The following HMGB1 variants were observed in gnomAD, a reference collection of about 807,000 sequenced individuals.
HMGB1 encodes the protein high mobility group protein B1.
For missense variants in HMGB1, 79 were observed against 253.5 expected (o/e 0.31, Z 4.67); for synonymous variants, 81 against 84.0 (o/e 0.96, Z 0.19).
chr13:30,613,852 G>A (rs776120401), intron 1 of HMGB1, among the ~76,000 whole-genome samples: 5 of 151,916 alleles, frequency 3.3e-5, no homozygotes, highest in East Asian at 3.8e-4. Context: ...AATGATGTAC[G>A]TAGAAAGGTC....
At chr13:30,473,628 G>A (rs1886999857) in intron 1 of HMGB1, among the ~76,000 whole-genome samples, 1 of 152,212 alleles carries the variant, frequency 6.6e-6, no homozygotes, top group Admixed American at 6.5e-5. Flanking sequence ...TGTGGAGAAA[G>A]AAACTGGAAC....
chr13:30,546,753 G>A (rs1010672090), intron 1 of HMGB1, among the ~76,000 whole-genome samples: 3 of 152,154 alleles, frequency 2.0e-5, no homozygotes, highest in African/African-American at 7.2e-5. Flanking sequence ...TCAAAGTGCT[G>A]GGATTACAGG....
At chr13:30,466,540 G>T (rs1052058149), upstream of HMGB1, among the ~76,000 whole-genome samples, 2 of 152,220 alleles carry the variant, frequency 1.3e-5, no homozygotes, top group African/African-American at 4.8e-5. Context: ...GATCCAGCCA[G>T]CCGGGTTTAA....
At chr13:30,554,106 T>C (rs532993331) in intron 1 of HMGB1, 2 of 1,284,480 alleles carry the variant, frequency 1.6e-6, no homozygotes, top group Non-Finnish European at 2.3e-6. Flanking sequence ...TGTGAAGCTC[T>C]TTCAGAAGAT....
intron 1 of HMGB1, among the ~76,000 whole-genome samples, chr13:30,598,092 C>T (rs537862330): frequency 2.6e-5 from 4 of 152,270 alleles, no homozygotes; most frequent in Admixed American, 1.3e-4. Context: ...AGAAGGCATG[C>T]ACCGGCAAAT....
At chr13:30,539,523 C>A in intron 1 of HMGB1, 1 of 263,298 alleles carries the variant, frequency 3.8e-6, no homozygotes, top group Non-Finnish European at 6.9e-6. Flanking sequence ...TATATTTACT[C>A]CAAAATTCAT....
intron 1 of HMGB1, among the ~76,000 whole-genome samples, chr13:30,536,373 TA>T (rs1566018024): frequency 6.6e-6 from 1 of 152,194 alleles, no homozygotes; most frequent in African/African-American, 2.4e-5. Flanking sequence ...TGTATATTTT[TA>T]AAAACTAATT....
upstream of HMGB1, among the ~76,000 whole-genome samples, chr13:30,469,140 C>G (rs984039656): frequency 1.3e-5 from 2 of 152,238 alleles, no homozygotes; most frequent in Admixed American, 1.3e-4. Flanking sequence ...ATCTGCCCGC[C>G]TCAGCCTCCC....
exon 1 of HMGB1, chr13:30,617,552 G>A (rs1950581452): frequency 6.6e-6 from 1 of 152,230 alleles, no homozygotes; most frequent in South Asian, 2.1e-4. Flanking sequence ...ACGGAACAGC[G>A]ACGCGCAAGC....
At chr13:30,465,773 C>A in intron 1 of HMGB1, 23 bp downstream of exon 1, 1 of 985,284 alleles carries the variant, frequency 1.0e-6, no homozygotes, top group Non-Finnish European at 1.2e-6. Context: ...GCTCTCCCCG[C>A]CGCGGCGCTG....
At chr13:30,522,186 C>T (rs1425199281) in intron 1 of HMGB1, among the ~76,000 whole-genome samples, 1 of 147,872 alleles carries the variant, frequency 6.8e-6, no homozygotes, top group African/African-American at 2.5e-5. Context: ...GATCATAGCT[C>T]ACTGCAATCT....
At chr13:30,522,726 G>A (rs910120600) in intron 1 of HMGB1, among the ~76,000 whole-genome samples, 1 of 110,996 alleles carries the variant, frequency 9.0e-6, no homozygotes, top group Admixed American at 1.2e-4. Context: ...AGGCAAACAA[G>A]TCTAAAAGTC....
intron 1 of HMGB1, among the ~76,000 whole-genome samples, chr13:30,614,772 T>C (rs998467978): frequency 6.6e-6 from 1 of 152,026 alleles, no homozygotes; most frequent in African/African-American, 2.4e-5. Context: ...TCTCAGCTCA[T>C]TGCAATCTCT....
chr13:30,509,436 G>A lies in HMGB1; in HGVS notation c.-14-45742C>T, dbSNP rs113735265. On this transcript the variant is annotated intron_variant, in intron 1 of 4. Transcript: ENST00000405805. The stretch of plus-strand genomic sequence containing the variant: ...GTATTTTTAGTTGAGACGGGGTTTC[G>A]CAATGTTGGCCAGCTGGTCTTAAAC... Among the ~76,000 whole-genome samples the A allele has an allele frequency of 2.4e-3, 360 of 152,008 alleles. 1 individual carries two copies. Among genetic ancestry groups the A allele is most frequent in the African/African-American group, 8.2e-3 (341 of 41,454 alleles).
intron 1 of HMGB1, among the ~76,000 whole-genome samples, chr13:30,608,899 T>G (rs1469403903): frequency 2.6e-5 from 4 of 152,262 alleles, no homozygotes; most frequent in Non-Finnish European, 4.4e-5. Flanking sequence ...TGTGCCCTCA[T>G]GGAGTTTATA....
intron 1 of HMGB1, among the ~76,000 whole-genome samples, chr13:30,594,838 G>T (rs183088739): frequency 6.6e-6 from 1 of 152,190 alleles, no homozygotes; most frequent in African/African-American, 2.4e-5. Flanking sequence ...CGGCGTGTAA[G>T]TGTTCCCTTT....
rs145210623 is a variant in HMGB1 at position 30,577,928 on chromosome 13, C to T, written c.-15+38743G>A. Among the ~76,000 whole-genome samples, 910 of 152,312 alleles carry T rather than the reference C, an allele frequency of 6.0e-3. 5 individuals carry two copies. Among genetic ancestry groups the T allele is most frequent in the African/African-American group, 0.021 (868 of 41,560 alleles). On this transcript the variant is annotated intron_variant, in intron 1 of 4. Transcript: ENST00000405805. ...CACCATCAACAGGATAAAGTCCAAG[C>T]TTCCTTAGCATTTCTTAGAGGCTCC...
intron 1 of HMGB1, among the ~76,000 whole-genome samples, chr13:30,541,276 T>C (rs1377253919): frequency 6.8e-6 from 1 of 147,932 alleles, no homozygotes; most frequent in Non-Finnish European, 1.5e-5. Flanking sequence ...GGAGGATCAC[T>C]TGAGCCCAGG....
chr13:30,464,188 C>G, intron 1 of HMGB1: 1 of 985,222 alleles, frequency 1.0e-6, no homozygotes, highest in Admixed American at 6.1e-5. Context: ...AAAAAACACC[C>G]TCTTTGCATA....
Sources: allele counts gnomAD v4.1 joint callset (sites outside exome capture counted in the v4.1 genomes callset), GRCh38; gene constraint gnomAD v4.1.1; transcripts MANE v1.5; gene names NCBI Gene and HGNC (gene_info 2026-07-23, HGNC 2026-07-21).